ADAMTSL1: variants seen among roughly 807,000 people sequenced by gnomAD.
ADAMTSL1 encodes the protein ADAMTS-like protein 1.
ADAMTSL1 carries 126 observed loss-of-function variants against 201.8 expected under a neutral mutation model. The ratio of observed to expected loss-of-function variants is 0.62; its 90% CI spans 0.54 to 0.72. The LOEUF (loss-of-function observed/expected upper bound fraction) is 0.72. Among genes scored for constraint, ADAMTSL1 ranks in the 30% least tolerant of loss-of-function variants. ADAMTSL1 has a pLI of 0.00. For synonymous variants in ADAMTSL1, 1,121 were observed against 903.4 expected (o/e 1.24, Z -4.32); for missense variants, 2,679 against 2,277.8 (o/e 1.18, Z -3.59).
chr9:18,811,072 G>C (rs1435529599), intron 20 of ADAMTSL1, among the ~76,000 whole-genome samples: 1 of 131,694 alleles, frequency 7.6e-6, no homozygotes, highest in South Asian at 2.5e-4. Flanking sequence ...TCTAACAAAA[G>C]GACTAGGAAA....
chr9:18,777,325 C>T lies in ADAMTSL1; in HGVS notation c.3096C>T (p.Gly1032=), dbSNP rs1369642419. ...DDLVSRLLEQ[G]GWPGELLASW... is the part of the protein sequence containing the mutation. ...TCGTCTCCCGGCTGCTGGAGCAGGG[C>T]GGCTGGCCCGGAGAGCTGCTGGCCT... Residue 1032 remains glycine (G), a synonymous_variant, in exon 19 of 29, where the codon GGC becomes GGT. Transcript: ENST00000380548. 4 of 1,600,244 alleles carry T rather than the reference C, an allele frequency of 2.5e-6. No homozygotes were observed. The highest frequency in any genetic ancestry group is 1.3e-5 in the African/African-American group (1 of 74,832).
intron 2 of ADAMTSL1, among the ~76,000 whole-genome samples, chr9:18,262,658 A>G (rs1162480704): frequency 1.3e-5 from 2 of 152,204 alleles, no homozygotes; most frequent in Non-Finnish European, 2.9e-5. Flanking sequence ...GGCACCTACA[A>G]GAGCAGTATG....
At chr9:18,233,801 G>C (rs1017288526) in intron 2 of ADAMTSL1, among the ~76,000 whole-genome samples, 6 of 152,194 alleles carry the variant, frequency 3.9e-5, no homozygotes, top group African/African-American at 1.4e-4. Flanking sequence ...CTACAGAAAT[G>C]ACTTCTGGGT....
intron 15 of ADAMTSL1, among the ~76,000 whole-genome samples, chr9:18,745,910 G>T (rs1819113751): frequency 6.6e-6 from 1 of 152,132 alleles, no homozygotes; most frequent in African/African-American, 2.4e-5. Flanking sequence ...GCCCAGCGCT[G>T]ACCCCTGTCC....
At chr9:18,629,079 C>T (rs1826577134) in intron 5 of ADAMTSL1, among the ~76,000 whole-genome samples, 1 of 152,196 alleles carries the variant, frequency 6.6e-6, no homozygotes, top group Non-Finnish European at 1.5e-5. Flanking sequence ...TTCACAGAAA[C>T]ATGATTGATT....
At chr9:18,854,033 T>G (rs753823461) in intron 23 of ADAMTSL1, among the ~76,000 whole-genome samples, 31 of 152,174 alleles carry the variant, frequency 2.0e-4, no homozygotes, top group Non-Finnish European at 4.1e-4. Context: ...CACCTTTTCA[T>G]GTGCCACATC....
intron 2 of ADAMTSL1, among the ~76,000 whole-genome samples, chr9:18,213,366 T>C (rs1448413227): frequency 1.3e-5 from 2 of 152,166 alleles, no homozygotes; most frequent in African/African-American, 4.8e-5. Flanking sequence ...GTTGGTATCC[T>C]TCGGAGAACA....
chr9:17,936,103 A>G (rs1826997561), intron 1 of ADAMTSL1, among the ~76,000 whole-genome samples: 1 of 152,120 alleles, frequency 6.6e-6, no homozygotes, highest in African/African-American at 2.4e-5. Flanking sequence ...CAAAAATAAT[A>G]TCTTCATTTG....
At chr9:18,553,423 G>C (rs1820915661) in intron 3 of ADAMTSL1, among the ~76,000 whole-genome samples, 1 of 151,546 alleles carries the variant, frequency 6.6e-6, no homozygotes, top group Non-Finnish European at 1.5e-5. Flanking sequence ...TTTTTGTCAA[G>C]TGTTTTAGCT....
intron 1 of ADAMTSL1, among the ~76,000 whole-genome samples, chr9:17,952,592 TA>T (rs1475583405): frequency 6.6e-6 from 1 of 151,910 alleles, no homozygotes; most frequent in Non-Finnish European, 1.5e-5. Flanking sequence ...ACCATGTTTT[TA>T]TTCATTTATT....
At chr9:17,931,729 G>A (rs913431605) in intron 1 of ADAMTSL1, among the ~76,000 whole-genome samples, 12 of 152,130 alleles carry the variant, frequency 7.9e-5, no homozygotes, top group Middle Eastern at 3.4e-3. Flanking sequence ...GTGAACACTC[G>A]TCCAAAAGCA....
intron 1 of ADAMTSL1, among the ~76,000 whole-genome samples, chr9:18,050,040 A>G (rs958170455): frequency 2.6e-5 from 4 of 152,222 alleles, no homozygotes; most frequent in Admixed American, 1.3e-4. Context: ...CTATGTTTAC[A>G]TATTCCTTGA....
chr9:18,051,937 G>A (rs151031787), intron 1 of ADAMTSL1, among the ~76,000 whole-genome samples: 149 of 152,306 alleles, frequency 9.8e-4, no homozygotes, highest in African/African-American at 3.5e-3. Context: ...CACTTTATTG[G>A]TTACCTGAGT....
intron 1 of ADAMTSL1, among the ~76,000 whole-genome samples, chr9:17,979,092 G>T (rs1818578016): frequency 6.6e-6 from 1 of 151,532 alleles, no homozygotes; most frequent in African/African-American, 2.4e-5. Flanking sequence ...TTTTCTTGCT[G>T]CTTTAAAAAA....
chr9:18,302,642 T>G (rs1346913214), intron 2 of ADAMTSL1, among the ~76,000 whole-genome samples: 1 of 152,200 alleles, frequency 6.6e-6, no homozygotes, highest in Non-Finnish European at 1.5e-5. Context: ...ACCCTTTTTC[T>G]TGCTTAGGGC....
chr9:18,098,820 C>A lies in ADAMTSL1; in HGVS notation c.88-65042C>A, dbSNP rs899569107. Among the ~76,000 whole-genome samples the A allele has an allele frequency of 2.0e-5, 3 of 152,290 alleles. No homozygotes were observed. The East Asian group carries it at 5.8e-4, about 29-fold the overall frequency. Reference sequence around the variant, plus strand: ...TGAATTCTGATCCATGCATTGTAATCTCATCAGGACCACAGTGCTTAGCTA... The same window carrying A: ...TGAATTCTGATCCATGCATTGTAATATCATCAGGACCACAGTGCTTAGCTA... On this transcript the variant is annotated intron_variant, in intron 1 of 29. Transcript: ENST00000680146.
intron 1 of ADAMTSL1, among the ~76,000 whole-genome samples, chr9:17,973,426 T>G (rs1485828776): frequency 7.8e-6 from 1 of 128,262 alleles, no homozygotes; most frequent in Non-Finnish European, 1.8e-5. Context: ...TAGGGAATCC[T>G]TTCCCCATTT....
chr9:17,947,380 G>A (rs1804020318), intron 1 of ADAMTSL1, among the ~76,000 whole-genome samples: 1 of 149,778 alleles, frequency 6.7e-6, no homozygotes. Context: ...GTAAACTATA[G>A]CTATTTTGAT....
At chr9:18,088,985 A>T (rs753135089) in intron 1 of ADAMTSL1, among the ~76,000 whole-genome samples, 23 of 152,216 alleles carry the variant, frequency 1.5e-4, no homozygotes, top group Non-Finnish European at 3.2e-4. Context: ...GAAACAACCT[A>T]AATGTCTATC....
Sources: gnomAD v4.1 joint callset for allele counts (sites outside exome capture counted in the v4.1 genomes callset) on GRCh38, gnomAD v4.1.1 for gene constraint, MANE v1.5 for transcripts, NCBI Gene and HGNC (gene_info 2026-07-23, HGNC 2026-07-21) for gene names.